Variants in GOLGA5 observed in about 807,000 individuals in gnomAD.
GOLGA5 encodes the protein golgin subfamily A member 5.
A neutral mutation model predicts 93.5 loss-of-function variants in GOLGA5; 50 were observed. That is an observed-to-expected ratio of 0.53 (90% CI 0.43 to 0.68). The LOEUF is 0.68. GOLGA5 is among the 30% of genes least tolerant of loss of function. GOLGA5 has a pLI of 0.00. For synonymous variants in GOLGA5, 312 were observed against 304.5 expected (o/e 1.02, Z -0.26); for missense variants, 760 against 856.4 (o/e 0.89, Z 1.40).
At chr14:92,832,536 T>C (rs1317211885) in intron 9 of GOLGA5, among the ~76,000 whole-genome samples, 1 of 152,194 alleles carries the variant, frequency 6.6e-6, no homozygotes, top group African/African-American at 2.4e-5. Flanking sequence ...TTACTGTCCC[T>C]AAATACCATG....
chr14:92,822,743 G>A (rs962097785), intron 8 of GOLGA5, among the ~76,000 whole-genome samples: 2 of 152,020 alleles, frequency 1.3e-5, no homozygotes, highest in Non-Finnish European at 2.9e-5. Context: ...TGCAACCTCC[G>A]CCTCCTGAGT....
intron 2 of GOLGA5, among the ~76,000 whole-genome samples, chr14:92,798,201 C>A (rs2284956): frequency 6.6e-6 from 1 of 152,100 alleles, no homozygotes; most frequent in Non-Finnish European, 1.5e-5. Flanking sequence ...AGGGCAACTT[C>A]ACCCACTCAG....
chr14:92,823,208 TTAAA>T (rs1225030889), intron 8 of GOLGA5, among the ~76,000 whole-genome samples: 1 of 152,188 alleles, frequency 6.6e-6, no homozygotes, highest in Non-Finnish European at 1.5e-5. Context: ...TATCATTTTT[TTAAA>T]TAGTTTATTG....
chr14:92,810,242 AT>A lies in GOLGA5; in HGVS notation c.993-8del. On this transcript the variant is annotated splice_polypyrimidine_tract_variant and intron_variant, in intron 4 of 12. Coordinates refer to ENST00000163416, the MANE Select transcript of GOLGA5 (RefSeq NM_005113.4). The stretch of plus-strand genomic sequence containing the variant: ...AGACATGAGTTATTTCACATGATGC[AT>A]TTTCCTTTAGAATAATGCAGGATCA... 2 of 1,593,452 alleles carry A rather than the reference AT, an allele frequency of 1.3e-6. No individual in the cohort carries two copies. The highest frequency in any genetic ancestry group is 1.1e-5 in the South Asian group (1 of 88,716).
At chr14:92,821,503 G>A (rs527269480) in intron 8 of GOLGA5, among the ~76,000 whole-genome samples, 3 of 152,190 alleles carry the variant, frequency 2.0e-5, no homozygotes, top group Admixed American at 6.5e-5. Flanking sequence ...TGACAACATT[G>A]TTATAGGCAT....
intron 2 of GOLGA5, among the ~76,000 whole-genome samples, chr14:92,798,654 A>G (rs2284955): frequency 0.81 from 123,284 of 152,292 alleles, 50,471 homozygotes; most frequent in African/African-American, 0.92. Flanking sequence ...GGTGGCTTAC[A>G]CCTGTAATCC....
At chr14:92,832,195 G>A (rs888123239) in intron 9 of GOLGA5, among the ~76,000 whole-genome samples, 20 of 152,178 alleles carry the variant, frequency 1.3e-4, no homozygotes, top group African/African-American at 4.8e-4. Flanking sequence ...GAAGTATGTT[G>A]ATTAGGGGAT....
At chr14:92,829,081 C>G (rs901362305) in intron 9 of GOLGA5, among the ~76,000 whole-genome samples, 1 of 152,214 alleles carries the variant, frequency 6.6e-6, no homozygotes, top group African/African-American at 2.4e-5. Flanking sequence ...CCTCCCACTT[C>G]AGCTTCCCAA....
chr14:92,803,300 G>A (rs1884913672), intron 2 of GOLGA5, among the ~76,000 whole-genome samples: 1 of 152,206 alleles, frequency 6.6e-6, no homozygotes, highest in African/African-American at 2.4e-5. Context: ...CCTCCCAAGT[G>A]CTAGGATTAC....
chr14:92,807,647 T>C (rs2402197), intron 3 of GOLGA5, among the ~76,000 whole-genome samples: 122,854 of 152,188 alleles, frequency 0.81, 50,127 homozygotes, highest in African/African-American at 0.91. Flanking sequence ...CTCTAGGGCA[T>C]ATAAAAGGTA....
At chr14:92,800,698 T>C (rs1884852075) in intron 2 of GOLGA5, among the ~76,000 whole-genome samples, 2 of 152,092 alleles carry the variant, frequency 1.3e-5, no homozygotes. Flanking sequence ...GCATCTGATT[T>C]TGTTGTTGTT....
Position 92,795,957 on chromosome 14 carries a change from A to G in GOLGA5, c.-30-1451A>G, listed in dbSNP as rs563101406. Reference sequence around the variant, plus strand: ...TTTATTATAGAGCCCTTCTGTATCTATATCTTCATCATTACTTTGATGTAT... The same window carrying G: ...TTTATTATAGAGCCCTTCTGTATCTGTATCTTCATCATTACTTTGATGTAT... On this transcript the variant is annotated intron_variant, in intron 1 of 12. Transcript: ENST00000163416. Among the ~76,000 whole-genome samples the G allele has an allele frequency of 5.3e-5, 8 of 152,364 alleles. No homozygotes were observed. The East Asian group carries it at 1.3e-3, about 26-fold the overall frequency.
chr14:92,800,344 G>A (rs1415429726), intron 2 of GOLGA5, among the ~76,000 whole-genome samples: 1 of 152,218 alleles, frequency 6.6e-6, no homozygotes, highest in Non-Finnish European at 1.5e-5. Flanking sequence ...CTTAAAGAAT[G>A]AACAGGAGTT....
chr14:92,834,931 AATTT>A (rs1885608823), intron 10 of GOLGA5, among the ~76,000 whole-genome samples: 1 of 152,180 alleles, frequency 6.6e-6, no homozygotes, highest in African/African-American at 2.4e-5. Flanking sequence ...GTGGACTGAG[AATTT>A]ATTTTAAAGG....
chr14:92,797,167 G>A (rs968242099), intron 1 of GOLGA5, among the ~76,000 whole-genome samples: 8 of 152,116 alleles, frequency 5.3e-5, no homozygotes, highest in Middle Eastern at 6.8e-3. Flanking sequence ...CAAGCATTTT[G>A]CAAAGTGTTT....
intron 3 of GOLGA5, among the ~76,000 whole-genome samples, chr14:92,808,103 G>A (rs932051019): frequency 7.2e-5 from 11 of 152,200 alleles, no homozygotes; most frequent in African/African-American, 2.2e-4. Flanking sequence ...GCATGGTGGC[G>A]CGTGCCTGTT....
intron 8 of GOLGA5, among the ~76,000 whole-genome samples, chr14:92,820,627 A>G (rs1008862573): frequency 1.3e-5 from 2 of 152,174 alleles, no homozygotes; most frequent in Non-Finnish European, 2.9e-5. Flanking sequence ...AGGCTATCAC[A>G]TGGGGAGAAA....
rs1337547241 is a variant in GOLGA5, at chr14:92,809,586, A to T, written c.992+67A>T. The T allele has an allele frequency of 4.3e-6, 4 of 935,364 alleles. No homozygotes were observed. In the African/African-American group the frequency reaches 6.6e-5, roughly 16 times the overall value. The allele number at this position is 935,364 out of a possible 1,614,324, so 57.9% of individuals were successfully genotyped here. A position where few individuals can be genotyped will look rare whatever the true frequency, so the allele number is the denominator to read the frequency against. Reference sequence around the variant, plus strand: ...GGTAAACATTGTAGTGTATCCACTTATGAAACTTAGCTTTCTTGGAAATTT... The same window carrying T: ...GGTAAACATTGTAGTGTATCCACTTTTGAAACTTAGCTTTCTTGGAAATTT... On this transcript the variant is annotated intron_variant, in intron 4 of 12. Coordinates refer to ENST00000163416, the MANE Select transcript of GOLGA5 (RefSeq NM_005113.4).
At chr14:92,824,421 A>G (rs1885373493) in intron 8 of GOLGA5, 125 bp from the exon 9 acceptor site, 1 of 575,248 alleles carries the variant, frequency 1.7e-6, no homozygotes, top group Non-Finnish European at 3.2e-6. Context: ...AAACTCAGTT[A>G]TATACGGAGT....
Sources: gnomAD v4.1 joint callset for allele counts (sites outside exome capture counted in the v4.1 genomes callset) on GRCh38, gnomAD v4.1.1 for gene constraint, MANE v1.5 for transcripts, NCBI Gene and HGNC (gene_info 2026-07-23, HGNC 2026-07-21) for gene names.